Variants in FRMPD4 observed in about 807,000 individuals in gnomAD.
The protein encoded by FRMPD4 is FERM and PDZ domain containing 4.
In FRMPD4, 22 loss-of-function variants were observed where a neutral mutation model predicts 94.1. The ratio of observed to expected loss-of-function variants is 0.23; its 90% CI spans 0.17 to 0.33. The LOEUF is 0.33. Among genes scored for constraint, FRMPD4 ranks in the 10% least tolerant of loss-of-function variants. The pLI, the probability that FRMPD4 is intolerant of heterozygous loss-of-function variation, is 1.00. For missense variants in FRMPD4, 1,111 were observed against 1,339.9 expected (o/e 0.83, Z 2.67); for synonymous variants, 631 against 548.6 (o/e 1.15, Z -2.10).
intron 8 of FRMPD4, among the ~76,000 whole-genome samples, chrX:12,691,165 T>C (rs1304799141): frequency 8.9e-6 from 1 of 112,404 alleles, no homozygotes; most frequent in Non-Finnish European, 1.9e-5. Context: ...TCAGTCCAAC[T>C]TTTTGTAATA....
intron 3 of FRMPD4, among the ~76,000 whole-genome samples, chrX:11,970,620 CAG>C (rs781227687): frequency 2.7e-5 from 3 of 112,293 alleles, no homozygotes; most frequent in Non-Finnish European, 5.6e-5. Flanking sequence ...ACCAGAGAAA[CAG>C]AGAGAGTAGA....
chrX:12,022,857 TC>T (rs776010404), intron 3 of FRMPD4, among the ~76,000 whole-genome samples: 2 of 110,721 alleles, frequency 1.8e-5, no homozygotes, highest in South Asian at 7.9e-4. Flanking sequence ...CTGTCTCACG[TC>T]CCCCAATCCT....
chrX:12,610,273 A>G (rs1036512286), intron 3 of FRMPD4, among the ~76,000 whole-genome samples: 1 of 112,282 alleles, frequency 8.9e-6, no homozygotes, highest in Admixed American at 9.4e-5. Flanking sequence ...TTTCACAAGT[A>G]TGCACTCCCC....
chrX:12,461,164 G>C (rs928690891), intron 1 of FRMPD4, among the ~76,000 whole-genome samples: 1 of 111,966 alleles, frequency 8.9e-6, no homozygotes, highest in Non-Finnish European at 1.9e-5. Context: ...CTGGTACAAG[G>C]AAGGTCACAT....
chrX:11,833,606 G>T (rs953671999), intron 1 of FRMPD4, among the ~76,000 whole-genome samples: 2 of 111,907 alleles, frequency 1.8e-5, no homozygotes, highest in African/African-American at 6.5e-5. Flanking sequence ...GCTGGGAAAA[G>T]TAGAGCTTTA....
intron 1 of FRMPD4, among the ~76,000 whole-genome samples, chrX:12,160,926 TTATTAA>T (rs1406357368): frequency 9.0e-6 from 1 of 111,258 alleles, no homozygotes; most frequent in African/African-American, 3.3e-5. Context: ...ACTAATATGG[TTATTAA>T]TATTAATATT....
intron 3 of FRMPD4, among the ~76,000 whole-genome samples, chrX:11,979,135 G>A (rs946167436): frequency 3.6e-5 from 4 of 111,046 alleles, no homozygotes; most frequent in African/African-American, 9.8e-5. Context: ...CCCAAGTACC[G>A]CTTCCTGTCC....
chrX:12,034,943 T>C (rs2054712641), intron 3 of FRMPD4, among the ~76,000 whole-genome samples: 1 of 111,816 alleles, frequency 8.9e-6, no homozygotes, highest in Admixed American at 9.5e-5. Context: ...GGCTGACGAC[T>C]CAAGTTGGCA....
chrX:12,515,476 T>C (rs1301033226), intron 2 of FRMPD4, among the ~76,000 whole-genome samples: 1 of 112,038 alleles, frequency 8.9e-6, no homozygotes, highest in Non-Finnish European at 1.9e-5. Flanking sequence ...AGCAGGTTGT[T>C]CAATTTTCAT....
chrX:11,858,788 A>G (rs1569112812), intron 1 of FRMPD4, among the ~76,000 whole-genome samples: 1 of 111,905 alleles, frequency 8.9e-6, no homozygotes, highest in African/African-American at 3.2e-5. Context: ...ATTAAAACTT[A>G]AAAGAATGCT....
intron 2 of FRMPD4, among the ~76,000 whole-genome samples, chrX:12,540,788 T>A (rs766757916): frequency 1.2e-3 from 136 of 111,823 alleles, no homozygotes; most frequent in African/African-American, 4.2e-3. Flanking sequence ...AGAATATACG[T>A]TCTTCTAAGC....
intron 1 of FRMPD4, among the ~76,000 whole-genome samples, chrX:12,285,204 T>C (rs2054583260): frequency 2.7e-5 from 3 of 112,011 alleles, no homozygotes; most frequent in African/African-American, 6.5e-5. Flanking sequence ...GACCTATTCA[T>C]TGTACAACAC....
intron 1 of FRMPD4, among the ~76,000 whole-genome samples, chrX:12,244,394 C>T (rs1467708871): frequency 9.0e-6 from 1 of 111,625 alleles, no homozygotes; most frequent in Non-Finnish European, 1.9e-5. Context: ...GATGGTTTTT[C>T]TTTTTTCCAC....
chrX:12,086,641 C>T (rs757849828), intron 3 of FRMPD4, among the ~76,000 whole-genome samples: 8 of 111,460 alleles, frequency 7.2e-5, no homozygotes, highest in South Asian at 3.8e-4. Flanking sequence ...TGGGATGTGA[C>T]GTGGAGGGCC....
At chrX:12,167,419 A>G (rs2056139949) in intron 1 of FRMPD4, among the ~76,000 whole-genome samples, 1 of 111,423 alleles carries the variant, frequency 9.0e-6, no homozygotes, top group Admixed American at 9.5e-5. Flanking sequence ...TCTGAGAGAC[A>G]GTTTGTTATA....
intron 3 of FRMPD4, among the ~76,000 whole-genome samples, chrX:11,897,005 G>A (rs1290779090): frequency 9.0e-6 from 1 of 110,587 alleles, no homozygotes; most frequent in Non-Finnish European, 1.9e-5. Context: ...TGTGTTTGGG[G>A]GTTTGGAAGC....
At chrX:11,950,201 C>A (rs1339495089) in intron 3 of FRMPD4, among the ~76,000 whole-genome samples, 1 of 111,847 alleles carries the variant, frequency 8.9e-6, no homozygotes, top group Admixed American at 9.5e-5. Flanking sequence ...CTCTGTCCTG[C>A]CACCCTGTGA....
chrX:12,231,403 G>A (rs1334056339), intron 1 of FRMPD4, among the ~76,000 whole-genome samples: 1 of 109,362 alleles, frequency 9.1e-6, no homozygotes, highest in Non-Finnish European at 1.9e-5. Flanking sequence ...ACATGGCTTG[G>A]CTAGTCCCCC....
At chrX:12,035,145 T>C (rs751507027) in intron 3 of FRMPD4, among the ~76,000 whole-genome samples, 3 of 112,395 alleles carry the variant, frequency 2.7e-5, no homozygotes, top group South Asian at 7.5e-4. Flanking sequence ...TAGATTTTCA[T>C]TGGCATCAAG....
Sources: gnomAD v4.1 joint callset for allele counts (sites outside exome capture counted in the v4.1 genomes callset) on GRCh38, gnomAD v4.1.1 for gene constraint, MANE v1.5 for transcripts, NCBI Gene and HGNC (gene_info 2026-07-23, HGNC 2026-07-21) for gene names.